Variants in HCN1 observed in about 807,000 individuals in gnomAD.
The protein encoded by HCN1 is hyperpolarization activated cyclic nucleotide gated potassium channel 1.
HCN1 carries 13 observed loss-of-function variants against 78.9 expected under a neutral mutation model. The observed-to-expected ratio is 0.16, with a 90% CI of 0.11 to 0.26. The LOEUF is 0.26. HCN1 is among the 10% of genes least tolerant of loss of function. The probability of loss-of-function intolerance (pLI) is 1.00; values close to 1 mark genes in which losing one functional copy is unlikely to be tolerated. For missense variants in HCN1, 810 were observed against 1,154.3 expected (o/e 0.70, Z 4.32); for synonymous variants, 552 against 455.5 (o/e 1.21, Z -2.70).
intron 3 of HCN1, among the ~76,000 whole-genome samples, chr5:45,433,706 A>AT (rs936428595): frequency 6.6e-6 from 1 of 152,102 alleles, no homozygotes; most frequent in Non-Finnish European, 1.5e-5. Flanking sequence ...AAAATATGCA[A>AT]TTTTTATGTG....
At chr5:45,557,944 A>T (rs1310977207) in intron 2 of HCN1, 1 of 152,038 alleles carries the variant, frequency 6.6e-6, no homozygotes, top group African/African-American at 2.4e-5. Flanking sequence ...TCCAAGTGAA[A>T]GGCAGAGTCA....
intron 5 of HCN1, among the ~76,000 whole-genome samples, chr5:45,319,583 A>G (rs1038102108): frequency 6.6e-6 from 1 of 151,606 alleles, no homozygotes; most frequent in Non-Finnish European, 1.5e-5. Flanking sequence ...TCTTGACATG[A>G]GTTCTTTTTT....
chr5:45,636,696 T>A (rs1329683808), intron 2 of HCN1, among the ~76,000 whole-genome samples: 3 of 151,912 alleles, frequency 2.0e-5, no homozygotes, highest in East Asian at 3.9e-4. Flanking sequence ...AAAGAAAAAT[T>A]TTTTAAATTA....
At chr5:45,420,544 A>C (rs1399580630) in intron 3 of HCN1, among the ~76,000 whole-genome samples, 1 of 152,114 alleles carries the variant, frequency 6.6e-6, no homozygotes, top group Non-Finnish European at 1.5e-5. Flanking sequence ...CCGGAGAGTG[A>C]TCGTGGCAGG....
At chr5:45,573,145 G>A (rs1029290480) in intron 2 of HCN1, among the ~76,000 whole-genome samples, 2 of 152,106 alleles carry the variant, frequency 1.3e-5, no homozygotes, top group Non-Finnish European at 2.9e-5. Flanking sequence ...GCATATAAAT[G>A]TCTCTATTCA....
chr5:45,289,161 C>T (rs967906865), intron 6 of HCN1, among the ~76,000 whole-genome samples: 4 of 151,960 alleles, frequency 2.6e-5, no homozygotes, highest in African/African-American at 9.7e-5. Flanking sequence ...ATTAACTATT[C>T]TTTAGTATAA....
intron 2 of HCN1, among the ~76,000 whole-genome samples, chr5:45,545,589 T>C (rs1743200537): frequency 6.6e-6 from 1 of 152,182 alleles, no homozygotes; most frequent in African/African-American, 2.4e-5. Flanking sequence ...AGGTCTAACA[T>C]GTAAATCTTT....
intron 3 of HCN1, among the ~76,000 whole-genome samples, chr5:45,417,641 A>C (rs1740143019): frequency 6.6e-6 from 1 of 151,584 alleles, no homozygotes; most frequent in Admixed American, 6.6e-5. Flanking sequence ...ATATAAATAA[A>C]TATAACAACA....
At chr5:45,302,339 C>G (rs1745643639) in intron 6 of HCN1, among the ~76,000 whole-genome samples, 1 of 152,014 alleles carries the variant, frequency 6.6e-6, no homozygotes, top group Non-Finnish European at 1.5e-5. Context: ...TCTCCTTCAC[C>G]TTCTGCTGTG....
chr5:45,340,733 T>C (rs150310377), intron 5 of HCN1, among the ~76,000 whole-genome samples: 236 of 152,322 alleles, frequency 1.5e-3, no homozygotes, highest in Admixed American at 5.2e-3. Flanking sequence ...ATGAATTTCC[T>C]ATTTTCTTTA....
At chr5:45,545,554 T>C (rs1035616277) in intron 2 of HCN1, among the ~76,000 whole-genome samples, 1 of 152,126 alleles carries the variant, frequency 6.6e-6, no homozygotes, top group Non-Finnish European at 1.5e-5. Flanking sequence ...TTGCCTAGGT[T>C]TTCTTCTAGG....
chr5:45,572,826 G>A (rs1415367666), intron 2 of HCN1, among the ~76,000 whole-genome samples: 1 of 152,118 alleles, frequency 6.6e-6, no homozygotes, highest in African/African-American at 2.4e-5. Context: ...TTGTAGTGTT[G>A]TGAATAGGGA....
At chr5:45,301,605 C>G (rs1188167044) in intron 6 of HCN1, among the ~76,000 whole-genome samples, 1 of 150,922 alleles carries the variant, frequency 6.6e-6, no homozygotes, top group Non-Finnish European at 1.5e-5. Context: ...GCCTGTGGTC[C>G]CAGCTACTAG....
chr5:45,647,314 G>A (rs1745568960), intron 1 of HCN1, among the ~76,000 whole-genome samples: 1 of 152,138 alleles, frequency 6.6e-6, no homozygotes, highest in African/African-American at 2.4e-5. Context: ...ACAGAGGAGA[G>A]ATGTAGAGGA....
chr5:45,440,896 A>C (rs925350057), intron 3 of HCN1, among the ~76,000 whole-genome samples: 9 of 152,158 alleles, frequency 5.9e-5, no homozygotes, highest in Non-Finnish European at 8.8e-5. Context: ...TATGGTTTAC[A>C]AGACCCATTG....
intron 2 of HCN1, among the ~76,000 whole-genome samples, chr5:45,613,293 T>C (rs1385199162): frequency 6.6e-6 from 1 of 151,998 alleles, no homozygotes; most frequent in Non-Finnish European, 1.5e-5. Flanking sequence ...CTGAGAATGA[T>C]GTTTTCCAAT....
At chr5:45,605,718 T>C (rs1259707966) in intron 2 of HCN1, among the ~76,000 whole-genome samples, 1 of 151,988 alleles carries the variant, frequency 6.6e-6, no homozygotes, top group African/African-American at 2.4e-5. Flanking sequence ...TCAGTCCTCA[T>C]CTGAATGAGG....
chr5:45,372,209 A>ATAT (rs1372428374), intron 4 of HCN1, among the ~76,000 whole-genome samples: 4 of 74,620 alleles, frequency 5.4e-5, no homozygotes, highest in Non-Finnish European at 6.6e-5. Flanking sequence ...AATACATATT[A>ATAT]TATAATATAA....
intron 2 of HCN1, among the ~76,000 whole-genome samples, chr5:45,579,525 G>A (rs1451420105): frequency 3.3e-5 from 5 of 151,918 alleles, no homozygotes; most frequent in Admixed American, 2.0e-4. Flanking sequence ...AAAAAACAAA[G>A]AGTGAAATTA....
Sources: allele counts gnomAD v4.1 joint callset (sites outside exome capture counted in the v4.1 genomes callset), GRCh38; gene constraint gnomAD v4.1.1; transcripts MANE v1.5; gene names NCBI Gene and HGNC (gene_info 2026-07-23, HGNC 2026-07-21).